LSAMP: variants seen among roughly 807,000 people sequenced by gnomAD.
LSAMP encodes the protein limbic system-associated membrane protein.
Under a neutral mutation model 38.6 loss-of-function variants are expected in LSAMP, and 7 were observed. The ratio of observed to expected loss-of-function variants is 0.18; its 90% CI spans 0.10 to 0.34. LSAMP has a LOEUF of 0.34. Among genes scored for constraint, LSAMP ranks in the 10% least tolerant of loss-of-function variants. LSAMP has a pLI of 1.00. For missense variants in LSAMP, 313 were observed against 420.0 expected (o/e 0.75, Z 2.23); for synonymous variants, 154 against 166.8 (o/e 0.92, Z 0.59).
chr3:116,344,531 C>A (rs559213810), intron 1 of LSAMP, among the ~76,000 whole-genome samples: 1 of 152,184 alleles, frequency 6.6e-6, no homozygotes, highest in South Asian at 2.1e-4. Flanking sequence ...ACCCTATTCA[C>A]TAAAGAAATC....
intron 3 of LSAMP, among the ~76,000 whole-genome samples, chr3:115,947,436 A>G (rs1468604528): frequency 6.6e-6 from 1 of 152,206 alleles, no homozygotes; most frequent in Admixed American, 6.5e-5. Context: ...ACGAAAGAGT[A>G]CACACTATGA....
chr3:115,926,414 T>C (rs539948825), intron 3 of LSAMP, among the ~76,000 whole-genome samples: 1 of 152,290 alleles, frequency 6.6e-6, no homozygotes, highest in East Asian at 1.9e-4. Flanking sequence ...TGAACCAACA[T>C]ATACATAAAC....
At chr3:116,384,627 A>G (rs1240904600) in intron 1 of LSAMP, among the ~76,000 whole-genome samples, 30 of 152,132 alleles carry the variant, frequency 2.0e-4, no homozygotes, top group Non-Finnish European at 1.5e-5. Flanking sequence ...ATTACTCCCA[A>G]TATTGATGAC....
intron 1 of LSAMP, among the ~76,000 whole-genome samples, chr3:116,152,648 G>T (rs1709638589): frequency 1.3e-5 from 2 of 152,080 alleles, no homozygotes; most frequent in Admixed American, 6.6e-5. Context: ...CATGGGGAGA[G>T]AAATCACATG....
intron 1 of LSAMP, among the ~76,000 whole-genome samples, chr3:116,387,159 G>A (rs756079259): frequency 1.1e-4 from 17 of 152,118 alleles, no homozygotes; most frequent in Admixed American, 2.6e-4. Context: ...AGCATTGACA[G>A]GAGTAGCATT....
chr3:116,390,125 G>A (rs1405420465), intron 1 of LSAMP, among the ~76,000 whole-genome samples: 1 of 131,226 alleles, frequency 7.6e-6, no homozygotes, highest in Non-Finnish European at 1.6e-5. Flanking sequence ...ATATATGTAT[G>A]TATGTATACA....
At chr3:116,075,172 C>G (rs1472655617) in intron 2 of LSAMP, among the ~76,000 whole-genome samples, 1 of 119,784 alleles carries the variant, frequency 8.3e-6, no homozygotes, top group African/African-American at 3.3e-5. Context: ...GAGTCTTGCT[C>G]TGTTGCCCAG....
chr3:115,970,484 C>T (rs779045570), intron 3 of LSAMP, among the ~76,000 whole-genome samples: 1 of 152,184 alleles, frequency 6.6e-6, no homozygotes, highest in Non-Finnish European at 1.5e-5. Context: ...CAAGTTCACA[C>T]ACTAATTTGC....
chr3:115,895,654 T>TTA (rs1482194860), intron 3 of LSAMP, among the ~76,000 whole-genome samples: 2 of 152,080 alleles, frequency 1.3e-5, no homozygotes, highest in Non-Finnish European at 2.9e-5. Context: ...ATGAGTGCAT[T>TTA]TAATACATAA....
chr3:116,169,686 A>G (rs1710148752), intron 1 of LSAMP, among the ~76,000 whole-genome samples: 1 of 152,224 alleles, frequency 6.6e-6, no homozygotes, highest in Non-Finnish European at 1.5e-5. Flanking sequence ...TTCATTTTAA[A>G]GCCACACCCT....
At position 116,233,640 on chromosome 3, in the gene LSAMP, G is replaced by A. The variant is rs547232782; in HGVS notation, c.156-147084C>T. ...CCCCCTCTCCCTACTTCCCTTTCCA[G>A]CCTCTGATAATCATCAAGCTACTCT... On this transcript the variant is annotated intron_variant, in intron 1 of 6. Transcript: ENST00000490035. 7.3e-5 allele frequency among the ~76,000 whole-genome samples: 11 copies of A among 151,350 alleles called. No homozygotes were observed. The East Asian group carries it at 2.1e-3, about 29-fold the overall frequency.
chr3:116,018,911 C>A (rs1559922325), intron 3 of LSAMP, among the ~76,000 whole-genome samples: 1 of 152,112 alleles, frequency 6.6e-6, no homozygotes, highest in African/African-American at 2.4e-5. Context: ...GTCTGATGCA[C>A]AGAACCAGAT....
intron 3 of LSAMP, among the ~76,000 whole-genome samples, chr3:115,921,841 GA>G (rs113927292): frequency 3.2e-4 from 49 of 152,010 alleles, no homozygotes; most frequent in African/African-American, 1.1e-3. Flanking sequence ...TTACTGATAG[GA>G]TTTTTTTCTG....
At chr3:116,255,934 A>G (rs983360308) in intron 1 of LSAMP, among the ~76,000 whole-genome samples, 2 of 152,178 alleles carry the variant, frequency 1.3e-5, no homozygotes, top group African/African-American at 4.8e-5. Context: ...ACATTGAATA[A>G]TAATGGAAAT....
intron 3 of LSAMP, among the ~76,000 whole-genome samples, chr3:115,856,790 GA>G (rs1935522172): frequency 6.6e-6 from 1 of 152,110 alleles, no homozygotes; most frequent in African/African-American, 2.4e-5. Context: ...AAAACTGTAA[GA>G]AATACATTTC....
intron 3 of LSAMP, among the ~76,000 whole-genome samples, chr3:115,936,042 C>G (rs1937687861): frequency 1.3e-5 from 2 of 152,204 alleles, no homozygotes; most frequent in Non-Finnish European, 1.5e-5. Context: ...ATTTCTTGAA[C>G]ACCCATAAGC....
chr3:116,382,917 A>C (rs2048580699), intron 1 of LSAMP, among the ~76,000 whole-genome samples: 1 of 152,120 alleles, frequency 6.6e-6, no homozygotes, highest in Non-Finnish European at 1.5e-5. Flanking sequence ...GAACAGCCTT[A>C]AGATAAAGAA....
At chr3:115,864,108 A>G (rs1049287440) in intron 3 of LSAMP, among the ~76,000 whole-genome samples, 2 of 152,178 alleles carry the variant, frequency 1.3e-5, no homozygotes, top group African/African-American at 2.4e-5. Context: ...CTTGGCCCCC[A>G]AAGCAGTGAG....
chr3:116,179,030 T>TAAAA (rs11402534), intron 1 of LSAMP, among the ~76,000 whole-genome samples: 1 of 148,460 alleles, frequency 6.7e-6, no homozygotes, highest in Non-Finnish European at 1.5e-5. Flanking sequence ...TTTTACTACC[T>TAAAA]AAAAAAAAAA....
Sources: allele counts gnomAD v4.1 joint callset (sites outside exome capture counted in the v4.1 genomes callset), GRCh38; gene constraint gnomAD v4.1.1; transcripts MANE v1.5; gene names NCBI Gene and HGNC (gene_info 2026-07-23, HGNC 2026-07-21).